Variants in STAT5B observed in about 807,000 individuals in gnomAD.
STAT5B encodes transcription factor STAT5B.
STAT5B carries 21 observed loss-of-function variants against 107.8 expected under a neutral mutation model. The observed-to-expected ratio is 0.19, with a 90% CI of 0.14 to 0.28. The LOEUF (loss-of-function observed/expected upper bound fraction) is 0.28, where lower values mean the gene tolerates loss of function less well. STAT5B is among the 10% of genes least tolerant of loss of function. The pLI is 1.00. For synonymous variants in STAT5B, 325 were observed against 401.7 expected (o/e 0.81, Z 2.28); for missense variants, 565 against 1,008.2 (o/e 0.56, Z 5.95).
intron 11 of STAT5B, 89 bp downstream of exon 11, chr17:42,217,071 C>G (rs970759582): frequency 6.5e-7 from 1 of 1,545,026 alleles, no homozygotes; most frequent in African/African-American, 1.4e-5. Context: ...GAAGAAGATG[C>G]TATGTGATAA....
upstream of STAT5B, among the ~76,000 whole-genome samples, chr17:42,277,300 A>G (rs374115599): frequency 1.2e-4 from 18 of 152,296 alleles, no homozygotes; most frequent in African/African-American, 4.3e-4. Context: ...GGAAAGCTCC[A>G]GAAGCCAAGC....
At chr17:42,273,649 T>C (rs1233621872) in intron 1 of STAT5B, among the ~76,000 whole-genome samples, 1 of 152,208 alleles carries the variant, frequency 6.6e-6, no homozygotes, top group Non-Finnish European at 1.5e-5. Context: ...ATAGTTAGGC[T>C]TCCTTCGATT....
Position 42,199,699 on chromosome 17 carries a change from G to A in STAT5B, c.*2039C>T, listed in dbSNP as rs2144185278. On this transcript the variant is annotated 3_prime_UTR_variant, in exon 19 of 19. Coordinates refer to ENST00000293328, the MANE Select transcript of STAT5B (RefSeq NM_012448.4). Reference sequence around the variant, plus strand: ...ACAAGCAGGGAAACCCCAGCTCAGGGAAGCCACACTCATCAGCTCTCTTCC... The same window carrying A: ...ACAAGCAGGGAAACCCCAGCTCAGGAAAGCCACACTCATCAGCTCTCTTCC... 6.5e-6 allele frequency: 1 copy of A among 152,700 alleles called. No individual in the cohort carries two copies. Among genetic ancestry groups the A allele is most frequent in the East Asian group, 1.9e-4 (1 of 5,330 alleles). 9.5% of individuals were successfully genotyped at this position (152,700 alleles called of 1,614,324 possible).
rs771406626 is a variant in STAT5B, at chr17:42,212,201, G to A, written c.1474-11C>T. The A allele has an allele frequency of 2.5e-6, 4 of 1,614,216 alleles. No homozygotes were observed. In the Admixed American group the frequency reaches 5.0e-5, roughly 20 times the overall value. On this transcript the variant is annotated splice_polypyrimidine_tract_variant and intron_variant, in intron 12 of 18. Coordinates refer to ENST00000293328, the MANE Select transcript of STAT5B (RefSeq NM_012448.4). ...AAATGGCACCCTGCCCTGAGAGGGA[G>A]AGAGGCCAGAATCTGATGAGAAAAC...
At chr17:42,223,634 C>T in intron 4 of STAT5B, 78 bp from the exon 5 acceptor site, 1 of 1,565,546 alleles carries the variant, frequency 6.4e-7, no homozygotes, top group South Asian at 1.2e-5. Context: ...GAAAAGCCAG[C>T]TCCTACAACC....
intron 1 of STAT5B, chr17:42,272,675 T>TA (rs2080731027): frequency 6.6e-6 from 1 of 151,938 alleles, no homozygotes; most frequent in African/African-American, 2.4e-5. Context: ...AAGTTTAAAA[T>TA]AAAAATGTGA....
At chr17:42,286,253 A>C in the STAT5B span, among the ~76,000 whole-genome samples, 1 of 151,674 alleles carries the variant, frequency 6.6e-6, no homozygotes, top group East Asian at 1.9e-4. Flanking sequence ...AAAAAAAAAA[A>C]AACCCAGAAG....
intron 1 of STAT5B, among the ~76,000 whole-genome samples, chr17:42,239,834 T>C (rs931096644): frequency 1.3e-5 from 2 of 152,096 alleles, no homozygotes; most frequent in Admixed American, 6.6e-5. Context: ...CCCCAGAAAG[T>C]GGGTACACAG....
upstream of STAT5B, among the ~76,000 whole-genome samples, chr17:42,277,274 A>T (rs995783382): frequency 2.6e-5 from 4 of 152,112 alleles, no homozygotes; most frequent in Admixed American, 6.5e-5. Flanking sequence ...AAGGGCTAGC[A>T]CTAAAGCAAG....
At chr17:42,261,062 C>T (rs1337607125) in intron 1 of STAT5B, among the ~76,000 whole-genome samples, 1 of 151,826 alleles carries the variant, frequency 6.6e-6, no homozygotes, top group East Asian at 1.9e-4. Flanking sequence ...ACATGTGCCA[C>T]CACGCCCGGC....
chr17:42,211,211 A>C (rs2080125644), intron 13 of STAT5B, among the ~76,000 whole-genome samples: 1 of 150,234 alleles, frequency 6.7e-6, no homozygotes, highest in Admixed American at 6.7e-5. Flanking sequence ...TAAATAAATA[A>C]ACAAAAATAA....
rs2080201572 is a variant in STAT5B, at chr17:42,219,178, C to G, written c.833+134G>C. ...TGGGGGCCAAAGTCTGATTGAGGAA[C>G]CAGGCTCCCTGGAGAAACAAGAGCT... On this transcript the variant is annotated intron_variant, in intron 7 of 18. Coordinates refer to ENST00000293328, the MANE Select transcript of STAT5B (RefSeq NM_012448.4). The G allele has an allele frequency of 1.1e-5, 15 of 1,405,316 alleles. No homozygotes were observed. The South Asian group carries it at 1.3e-4, about 12-fold the overall frequency. 87.1% of individuals were successfully genotyped at this position (1,405,316 alleles called of 1,614,324 possible). A position where few individuals can be genotyped will look rare whatever the true frequency, so the allele number is the denominator to read the frequency against.
chr17:42,213,659 C>CT (rs1007814329), intron 12 of STAT5B, among the ~76,000 whole-genome samples: 1 of 151,798 alleles, frequency 6.6e-6, no homozygotes, highest in African/African-American at 2.4e-5. Context: ...TCCCGAGTAG[C>CT]TGGGATCATA....
chr17:42,225,666 A>C (rs1185660692), intron 3 of STAT5B, among the ~76,000 whole-genome samples: 1 of 152,174 alleles, frequency 6.6e-6, no homozygotes, highest in African/African-American at 2.4e-5. Flanking sequence ...CCACCTATAG[A>C]TTGCTTATAC....
chr17:42,242,156 G>A (rs1327657859), intron 1 of STAT5B, among the ~76,000 whole-genome samples: 1 of 151,964 alleles, frequency 6.6e-6, no homozygotes, highest in African/African-American at 2.4e-5. Context: ...GGTAAGGGAG[G>A]GAATAAAGGA....
At chr17:42,251,614 A>G (rs1186274515) in intron 1 of STAT5B, among the ~76,000 whole-genome samples, 1 of 151,938 alleles carries the variant, frequency 6.6e-6, no homozygotes, top group Non-Finnish European at 1.5e-5. Context: ...ACCTATAACT[A>G]AACAGCAACT....
At chr17:42,208,421 G>A (rs1481012806) in intron 15 of STAT5B, among the ~76,000 whole-genome samples, 1 of 151,800 alleles carries the variant, frequency 6.6e-6, no homozygotes, top group Non-Finnish European at 1.5e-5. Flanking sequence ...GCTTGAAGCT[G>A]GGAGGTGGAG....
chr17:42,281,958 C>G, the STAT5B span, among the ~76,000 whole-genome samples: 1 of 152,174 alleles, frequency 6.6e-6, no homozygotes, highest in East Asian at 1.9e-4. Context: ...AGCCCAGCAC[C>G]AGGCAAAGAT....
intron 12 of STAT5B, among the ~76,000 whole-genome samples, chr17:42,215,712 G>A (rs538016280): frequency 2.3e-4 from 35 of 152,092 alleles, no homozygotes; most frequent in African/African-American, 8.2e-4. Context: ...TCTGCCGCTC[G>A]GGTTCAAGTG....
Sources: allele counts gnomAD v4.1 joint callset (sites outside exome capture counted in the v4.1 genomes callset), GRCh38; gene constraint gnomAD v4.1.1; transcripts MANE v1.5; gene names NCBI Gene and HGNC (gene_info 2026-07-23, HGNC 2026-07-21).